Variants in DNAAF10 observed in about 807,000 individuals in gnomAD.
DNAAF10 encodes the protein WD repeat domain 92.
In DNAAF10, 28 loss-of-function variants were observed where a neutral mutation model predicts 43.7. That is an observed-to-expected ratio of 0.64 (90% CI 0.48 to 0.88). The LOEUF (loss-of-function observed/expected upper bound fraction) is 0.88. DNAAF10 is among the 40% of genes least tolerant of loss of function. DNAAF10 has a pLI of 0.00. For missense variants in DNAAF10, 403 were observed against 439.1 expected (o/e 0.92, Z 0.73); for synonymous variants, 156 against 157.3 (o/e 0.99, Z 0.06).
intron 1 of DNAAF10, among the ~76,000 whole-genome samples, chr2:68,151,563 C>A (rs1673459259): frequency 6.6e-6 from 1 of 152,124 alleles, no homozygotes; most frequent in Non-Finnish European, 1.5e-5. Context: ...AGAGCAGGGC[C>A]TTGCCTAATT....
At position 68,134,749 on chromosome 2, in the gene DNAAF10, C is replaced by T; in HGVS notation, c.819G>A (p.Glu273=). The T allele has an allele frequency of 6.2e-7, 1 of 1,609,168 alleles. No homozygotes were observed. The highest frequency in any genetic ancestry group is 1.3e-5 in the African/African-American group (1 of 74,574). The change falls in exon 7 of 8, where the codon GAG becomes GAA. Residue 273 remains glutamate (E), a synonymous_variant. Coordinates refer to ENST00000295121, the MANE Select transcript of DNAAF10 (RefSeq NM_138458.4). The part of the protein sequence containing the change: ...WQVRHLPQNR[E]LFLTAGGAGG... Reference sequence around the variant, plus strand: ...CGGCGCCTCCAGCTGTCAGAAAGAGCTCCCTGTTCTGCGGCAGGTGTCGGA... The same window carrying T: ...CGGCGCCTCCAGCTGTCAGAAAGAGTTCCCTGTTCTGCGGCAGGTGTCGGA...
intron 7 of DNAAF10, chr2:68,134,436 T>C (rs1049713703): frequency 1.3e-5 from 16 of 1,231,892 alleles, no homozygotes; most frequent in Non-Finnish European, 1.6e-5. Flanking sequence ...CTGATAAAAG[T>C]CTTGGGCCAA....
At chr2:68,153,345 T>TAAAAAAAAAAAAAAAAAAAAAAA (rs775794947) in intron 1 of DNAAF10, among the ~76,000 whole-genome samples, 1 of 98,750 alleles carries the variant, frequency 1.0e-5, no homozygotes, top group African/African-American at 3.6e-5. Flanking sequence ...AGTGATAAAT[T>TAAAAAAAAAAAAAAAAAAAAAAA]AAAAAAAAAA....
rs116264648 is a variant in DNAAF10 at position 68,144,554 on chromosome 2, T to C, written c.415+31A>G. The C allele has an allele frequency of 6.9e-4, 1,113 of 1,604,046 alleles. 7 individuals are homozygous for C. In the African/African-American group the frequency reaches 0.013, roughly 19 times the overall value. On this transcript the variant is annotated intron_variant, in intron 3 of 7. Transcript: ENST00000295121. Reference sequence around the variant, plus strand: ...GCATAGAGATTTCCATTAAAATAAATAAACAAAATACATAGAATACAGGGA... The same window carrying C: ...GCATAGAGATTTCCATTAAAATAAACAAACAAAATACATAGAATACAGGGA...
At chr2:68,155,450 C>T (rs1443990476) in intron 1 of DNAAF10, among the ~76,000 whole-genome samples, 10 of 150,516 alleles carry the variant, frequency 6.6e-5, no homozygotes, top group African/African-American at 2.2e-4. Context: ...GCCAAGATCA[C>T]GCCACTGCAC....
intron 1 of DNAAF10, among the ~76,000 whole-genome samples, chr2:68,155,822 C>T (rs973638181): frequency 6.6e-6 from 1 of 151,900 alleles, no homozygotes; most frequent in Non-Finnish European, 1.5e-5. Flanking sequence ...GGTAGCCAGG[C>T]TTGGTGGCTC....
At chr2:68,143,118 C>A (rs547127508) in intron 3 of DNAAF10, among the ~76,000 whole-genome samples, 42 of 152,058 alleles carry the variant, frequency 2.8e-4, no homozygotes, top group African/African-American at 9.9e-4. Context: ...CCACCTCAGC[C>A]TCCCAAGTGC....
At chr2:68,142,550 T>C (rs1044620255) in intron 3 of DNAAF10, among the ~76,000 whole-genome samples, 5 of 152,204 alleles carry the variant, frequency 3.3e-5, no homozygotes, top group Admixed American at 3.3e-4. Context: ...TGAGCCACTG[T>C]GCCTGGCCTA....
rs1673341529 is a variant in DNAAF10 at position 68,147,324 on chromosome 2, A to T, written c.284+143T>A. 3 of 589,998 alleles carry T rather than the reference A, an allele frequency of 5.1e-6. No homozygotes were observed. In the Admixed American group the frequency reaches 1.0e-4, roughly 20 times the overall value. The allele number at this position is 589,998 out of a possible 1,614,324, so 36.5% of individuals were successfully genotyped here. ...AATATGAAATCTAGAAATATATATTAGAGACAATTCTCATATTTTTATAGT... is the reference window on the plus strand; with the variant it reads ...AATATGAAATCTAGAAATATATATTTGAGACAATTCTCATATTTTTATAGT... On this transcript the variant is annotated intron_variant, in intron 2 of 7. Coordinates refer to ENST00000295121, the MANE Select transcript of DNAAF10 (RefSeq NM_138458.4).
intron 1 of DNAAF10, among the ~76,000 whole-genome samples, chr2:68,150,731 T>C (rs1279727753): frequency 6.6e-6 from 1 of 151,418 alleles, no homozygotes; most frequent in East Asian, 1.9e-4. Context: ...AGACTCCGTC[T>C]CAAAAAATAA....
intron 5 of DNAAF10, 134 bp from the exon 6 acceptor site, chr2:68,137,567 T>G: frequency 9.9e-7 from 1 of 1,011,758 alleles, no homozygotes; most frequent in Non-Finnish European, 1.3e-6. Context: ...TTTTAACTTT[T>G]CCCATAAAAA....
chr2:68,138,882 ACATCCTTATAAATG>A (rs780664091), intron 4 of DNAAF10, 25 bp from the exon 5 acceptor site: 5 of 1,537,808 alleles, frequency 3.3e-6, no homozygotes, highest in African/African-American at 1.4e-5. Flanking sequence ...ACAACATTTC[ACATCCTTATAAATG>A]CATCCTTATA....
At chr2:68,146,585 C>T (rs1043270337) in intron 2 of DNAAF10, among the ~76,000 whole-genome samples, 2 of 151,976 alleles carry the variant, frequency 1.3e-5, no homozygotes, top group Admixed American at 6.6e-5. Context: ...CAGTATCTCT[C>T]GAAGCATATG....
At chr2:68,134,363 G>T in intron 7 of DNAAF10, 2 of 1,074,008 alleles carry the variant, frequency 1.9e-6, no homozygotes, top group Non-Finnish European at 2.3e-6. Flanking sequence ...TCTAAATTTA[G>T]GCAAGGAACC....
chr2:68,144,594 T>C lies in DNAAF10; in HGVS notation c.406A>G (p.Ser136Gly), dbSNP rs1045391504. Residue 136 changes from serine (S) to glycine (G), a missense_variant, in exon 3 of 8, where the codon AGC (serine) becomes GGC (glycine). Ser to Gly is a moderately conservative substitution (Grantham distance 56). Coordinates refer to ENST00000295121, the MANE Select transcript of DNAAF10 (RefSeq NM_138458.4). Reference protein sequence around the residue: ...GEGAPEIVTGSRDGTVKVWDP... With the variant: ...GEGAPEIVTGGRDGTVKVWDP... The stretch of plus-strand genomic sequence containing the variant: ...GAATACAGGGACTCACCATCTCGGC[T>C]GCCAGTCACAATTTCAGGTGCTCCT... 8 of 1,613,674 alleles carry C rather than the reference T, an allele frequency of 5.0e-6. No individual in the cohort carries two copies. The African/African-American group carries it at 9.3e-5, about 19-fold the overall frequency.
Position 68,157,497 on chromosome 2 carries a change from G to A in DNAAF10, c.-54C>T. On this transcript the variant is annotated 5_prime_UTR_variant, in exon 1 of 8. Coordinates refer to ENST00000295121, the MANE Select transcript of DNAAF10 (RefSeq NM_138458.4). ...GCCACACCCAGAGCCCCCAAAAACG[G>A]CAACCTGGAAACCAGACTCCAAACA... 1 of 1,612,908 alleles carries A rather than the reference G, an allele frequency of 6.2e-7. No homozygotes were observed. The highest frequency in any genetic ancestry group is 1.3e-5 in the African/African-American group (1 of 75,000).
chr2:68,133,693 G>A lies in DNAAF10; in HGVS notation c.866+1009C>T, dbSNP rs564018275. Among the ~76,000 whole-genome samples the A allele has an allele frequency of 8.5e-5, 13 of 152,176 alleles. No homozygotes were observed. The East Asian group carries it at 1.6e-3, about 18-fold the overall frequency. On this transcript the variant is annotated intron_variant, in intron 7 of 7. Transcript: ENST00000295121. The stretch of plus-strand genomic sequence containing the variant: ...CCTTGAACCTGGAGGTGGAGTCTGC[G>A]GTGAGACGAGATCATGCCACTGCAC...
intron 1 of DNAAF10, 85 bp downstream of exon 1, chr2:68,157,176 G>T: frequency 6.6e-7 from 1 of 1,504,954 alleles, no homozygotes; most frequent in South Asian, 1.3e-5. Context: ...GGGACGCTGG[G>T]CGAAGGCTCT....
At chr2:68,142,273 T>TTTC (rs1558609660) in intron 3 of DNAAF10, among the ~76,000 whole-genome samples, 20 of 151,934 alleles carry the variant, frequency 1.3e-4, no homozygotes, top group African/African-American at 3.4e-4. Flanking sequence ...TTCTTTCTTT[T>TTTC]GTTTTGAGAT....
Sources: allele counts gnomAD v4.1 joint callset (sites outside exome capture counted in the v4.1 genomes callset), GRCh38; gene constraint gnomAD v4.1.1; transcripts MANE v1.5; gene names NCBI Gene and HGNC (gene_info 2026-07-23, HGNC 2026-07-21).